Variants in ST8SIA1 observed in about 807,000 individuals in gnomAD.
ST8SIA1 encodes the protein alpha-N-acetylneuraminide alpha-2,8-sialyltransferase.
Under a neutral mutation model 35.9 loss-of-function variants are expected in ST8SIA1, and 16 were observed. The ratio of observed to expected loss-of-function variants is 0.45; its 90% CI spans 0.30 to 0.68. ST8SIA1 has a LOEUF of 0.68. ST8SIA1 is among the 30% of genes least tolerant of loss of function. ST8SIA1 has a pLI of 0.09. For synonymous variants in ST8SIA1, 170 were observed against 169.6 expected (o/e 1.00, Z -0.02); for missense variants, 383 against 453.6 (o/e 0.84, Z 1.41).
At chr12:22,318,153 A>C (rs1184380247) in intron 1 of ST8SIA1, among the ~76,000 whole-genome samples, 2 of 152,158 alleles carry the variant, frequency 1.3e-5, no homozygotes, top group African/African-American at 4.8e-5. Context: ...GCAACAAGTG[A>C]ATTATTTTAA....
chr12:22,247,505 TTTGAG>T (rs1265432286), intron 4 of ST8SIA1, among the ~76,000 whole-genome samples: 1 of 152,124 alleles, frequency 6.6e-6, no homozygotes, highest in Admixed American at 6.5e-5. Context: ...TACTTTTCTG[TTTGAG>T]TTATTATAAT....
chr12:22,278,593 A>C (rs193169741), intron 2 of ST8SIA1, among the ~76,000 whole-genome samples: 6 of 152,340 alleles, frequency 3.9e-5, no homozygotes, highest in Admixed American at 3.3e-4. Flanking sequence ...ATGTAAACAA[A>C]ATAATCAGAT....
At chr12:22,223,419 C>T (rs972229755) in intron 4 of ST8SIA1, 4 of 636,696 alleles carry the variant, frequency 6.3e-6, no homozygotes, top group Middle Eastern at 8.0e-4. Context: ...TCTGTATCTT[C>T]CTGTAGTCCA....
intron 1 of ST8SIA1, among the ~76,000 whole-genome samples, chr12:22,294,002 G>T (rs1227078979): frequency 1.3e-5 from 2 of 151,984 alleles, no homozygotes; most frequent in East Asian, 1.9e-4. Flanking sequence ...CTGACTTAAA[G>T]AAATCTGTCT....
At chr12:22,321,464 G>A (rs1866600102) in intron 1 of ST8SIA1, among the ~76,000 whole-genome samples, 1 of 152,228 alleles carries the variant, frequency 6.6e-6, no homozygotes, top group Middle Eastern at 3.2e-3. Context: ...GGAGGGTGGA[G>A]TGGGCTCCAC....
chr12:22,263,072 G>C (rs1865809895), intron 2 of ST8SIA1, among the ~76,000 whole-genome samples: 1 of 152,160 alleles, frequency 6.6e-6, no homozygotes, highest in African/African-American at 2.4e-5. Flanking sequence ...CCTAAGGCCT[G>C]AACAGATATG....
chr12:22,234,548 G>C (rs1865455194), intron 4 of ST8SIA1, among the ~76,000 whole-genome samples: 1 of 152,064 alleles, frequency 6.6e-6, no homozygotes, highest in Non-Finnish European at 1.5e-5. Context: ...ATATAAAATT[G>C]CTTCCATTAT....
Position 22,249,118 on chromosome 12 carries a change from C to T in ST8SIA1, c.492-20G>A. Reference sequence around the variant, plus strand: ...TTGCATCTAGAGAAACAAGAACAAACATTTTGGAACAATTTGCATAGTTTT... The same window carrying T: ...TTGCATCTAGAGAAACAAGAACAAATATTTTGGAACAATTTGCATAGTTTT... On this transcript the variant is annotated intron_variant, in intron 3 of 4. Transcript: ENST00000396037. The T allele has an allele frequency of 6.6e-7, 1 of 1,506,374 alleles. No individual in the cohort carries two copies. Among genetic ancestry groups the T allele is most frequent in the Non-Finnish European group, 9.2e-7 (1 of 1,084,096 alleles). The allele number at this position is 1,506,374 out of a possible 1,614,324, so 93.3% of individuals were successfully genotyped here.
intron 1 of ST8SIA1, among the ~76,000 whole-genome samples, chr12:22,333,213 G>A (rs1333099033): frequency 1.3e-5 from 2 of 152,144 alleles, no homozygotes; most frequent in Admixed American, 6.5e-5. Flanking sequence ...TTTGTTTTCT[G>A]ACTTCAGGTG....
chr12:22,309,783 G>A (rs2135831663), intron 1 of ST8SIA1, among the ~76,000 whole-genome samples: 1 of 152,198 alleles, frequency 6.6e-6, no homozygotes. Flanking sequence ...AGAAAGGTAG[G>A]TCTGGATCAG....
intron 4 of ST8SIA1, among the ~76,000 whole-genome samples, chr12:22,233,783 A>G (rs1223105731): frequency 6.6e-6 from 1 of 152,162 alleles, no homozygotes; most frequent in East Asian, 1.9e-4. Context: ...ATGCTAATAC[A>G]TGCATTACTT....
At chr12:22,233,538 T>C (rs1424105415) in intron 4 of ST8SIA1, among the ~76,000 whole-genome samples, 2 of 152,186 alleles carry the variant, frequency 1.3e-5, no homozygotes, top group African/African-American at 2.4e-5. Context: ...CTCTTTTAAA[T>C]GGTAAACTCA....
chr12:22,211,074 G>A (rs948346174), intron 4 of ST8SIA1, among the ~76,000 whole-genome samples: 9 of 152,164 alleles, frequency 5.9e-5, no homozygotes, highest in Non-Finnish European at 1.0e-4. Flanking sequence ...TGATTCATGA[G>A]TCTTTGCTCA....
rs550907419 is a variant in ST8SIA1 at position 22,196,942 on chromosome 12, A to T, written c.*4610T>A. ...GGAGAGGACAGAGACTGACGGTGCTAAAAAGCCAAGGTTAAGGGTAGAGAG... is the reference window on the plus strand; with the variant it reads ...GGAGAGGACAGAGACTGACGGTGCTTAAAAGCCAAGGTTAAGGGTAGAGAG... On this transcript the variant is annotated 3_prime_UTR_variant, in exon 5 of 5. Transcript: ENST00000396037. The T allele has an allele frequency of 6.6e-6, 1 of 152,360 alleles. No homozygotes were observed. The highest frequency in any genetic ancestry group is 1.9e-4 in the East Asian group (1 of 5,178). The allele number at this position is 152,360 out of a possible 1,614,324, so 9.4% of individuals were successfully genotyped here. A position where few individuals can be genotyped will look rare whatever the true frequency, so the allele number is the denominator to read the frequency against.
At chr12:22,249,405 A>C (rs1001513273) in intron 3 of ST8SIA1, among the ~76,000 whole-genome samples, 2 of 151,966 alleles carry the variant, frequency 1.3e-5, no homozygotes, top group African/African-American at 4.8e-5. Context: ...TATTTTTAGT[A>C]GAGACGGAGT....
intron 1 of ST8SIA1, 153 bp downstream of exon 1, chr12:22,333,844 G>A (rs1486323034): frequency 2.5e-6 from 2 of 813,128 alleles, no homozygotes; most frequent in African/African-American, 1.7e-5. Flanking sequence ...TCTCCAGGTT[G>A]GGAATGGCAC....
chr12:22,255,182 T>G (rs1865715577), intron 3 of ST8SIA1, 98 bp downstream of exon 3: 1 of 934,254 alleles, frequency 1.1e-6, no homozygotes, highest in South Asian at 1.3e-5. Flanking sequence ...TACAACTGAT[T>G]CATCACAAGT....
At chr12:22,298,033 A>AT (rs1262019417) in intron 1 of ST8SIA1, among the ~76,000 whole-genome samples, 2 of 152,188 alleles carry the variant, frequency 1.3e-5, no homozygotes, top group African/African-American at 4.8e-5. Flanking sequence ...TGGAGCCTCC[A>AT]TAAAAACCCA....
intron 2 of ST8SIA1, among the ~76,000 whole-genome samples, chr12:22,282,705 C>A (rs951783432): frequency 6.6e-6 from 1 of 152,156 alleles, no homozygotes; most frequent in Non-Finnish European, 1.5e-5. Flanking sequence ...TTCTGCCCCC[C>A]ATCAGGTTTC....
Sources: allele counts gnomAD v4.1 joint callset (sites outside exome capture counted in the v4.1 genomes callset), GRCh38; gene constraint gnomAD v4.1.1; transcripts MANE v1.5; gene names NCBI Gene and HGNC (gene_info 2026-07-23, HGNC 2026-07-21).